SLC24A2: variants seen among roughly 807,000 people sequenced by gnomAD.
SLC24A2 encodes solute carrier family 24 member 2.
SLC24A2 carries 36 observed loss-of-function variants against 62.0 expected under a neutral mutation model. That is an observed-to-expected ratio of 0.58 (90% CI 0.44 to 0.77). The LOEUF is 0.77. SLC24A2 is among the 30% of genes least tolerant of loss of function. SLC24A2 has a pLI of 0.00. For missense variants in SLC24A2, 846 were observed against 817.9 expected, an observed-to-expected ratio of 1.03 and a Z score of -0.42; for synonymous variants, 358 against 294.0, an observed-to-expected ratio of 1.22 and a Z score of -2.23.
In SLC24A2 at chr9:19,533,493, G is replaced by A. The variant is rs143032306; in HGVS notation, c.1480-5355C>T. ...AAAAGAATGTATTGGAAGTGACAGC[G>A]TGCAAATTTCAAACTAGATCTCAAG... On this transcript the variant is annotated intron_variant, in intron 8 of 10. Coordinates refer to ENST00000341998, the MANE Select transcript of SLC24A2 (RefSeq NM_020344.4). Among the ~76,000 whole-genome samples, 536 of 152,314 alleles carry A rather than the reference G, an allele frequency of 3.5e-3. 3 individuals are homozygous for A. The highest frequency in any genetic ancestry group is 0.012 in the African/African-American group (495 of 41,556).
chr9:19,969,964 A>T, the SLC24A2 span, among the ~76,000 whole-genome samples: 1 of 152,114 alleles, frequency 6.6e-6, no homozygotes, highest in Non-Finnish European at 1.5e-5. Context: ...AGAGTGGGAG[A>T]GACTACAGGA....
At chr9:19,952,727 T>C in the SLC24A2 span, among the ~76,000 whole-genome samples, 2 of 151,412 alleles carry the variant, frequency 1.3e-5, no homozygotes, top group African/African-American at 4.8e-5. Context: ...TTTCTTTGTC[T>C]ATATTCAGTA....
chr9:19,624,709 AT>A (rs1817991178), intron 2 of SLC24A2, among the ~76,000 whole-genome samples: 1 of 152,186 alleles, frequency 6.6e-6, no homozygotes, highest in Non-Finnish European at 1.5e-5. Flanking sequence ...TAATATGTAA[AT>A]TTAGGTATAC....
chr9:19,686,022 A>G lies in SLC24A2; in HGVS notation c.931-63723T>C, dbSNP rs138559513. Among the ~76,000 whole-genome samples, 976 of 152,262 alleles carry G rather than the reference A, an allele frequency of 6.4e-3. 14 individuals are homozygous for G. Among genetic ancestry groups the G allele is most frequent in the African/African-American group, 0.022 (931 of 41,564 alleles). On this transcript the variant is annotated intron_variant, in intron 2 of 10. Coordinates refer to ENST00000341998, the MANE Select transcript of SLC24A2 (RefSeq NM_020344.4). ...AAAAATATTCACAAACTAAGCATTCAACAAAGGTATAATATCCAGAATCTA... is the reference window on the plus strand; with the variant it reads ...AAAAATATTCACAAACTAAGCATTCGACAAAGGTATAATATCCAGAATCTA...
chr9:20,190,306 G>C, the SLC24A2 span, among the ~76,000 whole-genome samples: 3 of 152,130 alleles, frequency 2.0e-5, no homozygotes, highest in Admixed American at 6.5e-5. Context: ...GGCTTGTCAA[G>C]ACAATCCTTT....
the SLC24A2 span, among the ~76,000 whole-genome samples, chr9:19,900,817 CT>C: frequency 6.6e-6 from 1 of 152,164 alleles, no homozygotes; most frequent in Non-Finnish European, 1.5e-5. Flanking sequence ...CCCAGTTCCA[CT>C]GACAATTTTG....
At chr9:19,794,757 A>T in the SLC24A2 span, among the ~76,000 whole-genome samples, 1 of 152,216 alleles carries the variant, frequency 6.6e-6, no homozygotes, top group Non-Finnish European at 1.5e-5. Flanking sequence ...TCTCAGAGGC[A>T]CACCAGTAAG....
the SLC24A2 span, among the ~76,000 whole-genome samples, chr9:19,838,584 A>C: frequency 6.6e-6 from 1 of 151,622 alleles, no homozygotes; most frequent in Non-Finnish European, 1.5e-5. Context: ...AGTTGCAGTG[A>C]GTCGAGACGG....
At chr9:19,903,038 G>GT in the SLC24A2 span, among the ~76,000 whole-genome samples, 1 of 123,670 alleles carries the variant, frequency 8.1e-6, no homozygotes, top group African/African-American at 3.1e-5. Context: ...TAAAAATCAG[G>GT]CTTTTTTTTT....
the SLC24A2 span, among the ~76,000 whole-genome samples, chr9:19,796,151 T>G: frequency 4.6e-4 from 65 of 142,806 alleles, no homozygotes; most frequent in African/African-American, 5.2e-4. Context: ...GGGATAGCAT[T>G]AGGAGATATA....
At chr9:19,712,146 C>T (rs1183294815) in intron 2 of SLC24A2, among the ~76,000 whole-genome samples, 1 of 152,180 alleles carries the variant, frequency 6.6e-6, no homozygotes, top group Admixed American at 6.5e-5. Flanking sequence ...AAAACGGCTC[C>T]AGAGACTGAG....
At chr9:19,646,011 T>C (rs1403592757) in intron 2 of SLC24A2, among the ~76,000 whole-genome samples, 2 of 152,194 alleles carry the variant, frequency 1.3e-5, no homozygotes, top group Non-Finnish European at 2.9e-5. Context: ...TCTCCACTGA[T>C]AGCTTTGTGA....
chr9:20,292,624 G>A, the SLC24A2 span, among the ~76,000 whole-genome samples: 2 of 152,110 alleles, frequency 1.3e-5, no homozygotes, highest in Non-Finnish European at 2.9e-5. Flanking sequence ...TTTTGTTTTT[G>A]GGATAGTATC....
chr9:19,938,901 A>ACAAC, the SLC24A2 span, among the ~76,000 whole-genome samples: 1 of 152,038 alleles, frequency 6.6e-6, no homozygotes, highest in Non-Finnish European at 1.5e-5. Flanking sequence ...ACAAAACAAA[A>ACAAC]CAAACAAACA....
At chr9:19,592,750 A>C (rs912001936) in intron 5 of SLC24A2, among the ~76,000 whole-genome samples, 2 of 152,180 alleles carry the variant, frequency 1.3e-5, no homozygotes, top group African/African-American at 4.8e-5. Context: ...TTTATTGAGA[A>C]TTTTCTAGAG....
intron 10 of SLC24A2, among the ~76,000 whole-genome samples, 195 bp downstream of exon 10, chr9:19,520,699 A>C (rs1302515245): frequency 1.3e-5 from 2 of 151,798 alleles, no homozygotes; most frequent in Non-Finnish European, 2.9e-5. Context: ...GGGATGACTT[A>C]TTTTTCATTA....
At chr9:19,613,467 A>T (rs1341214747) in intron 4 of SLC24A2, among the ~76,000 whole-genome samples, 1 of 152,172 alleles carries the variant, frequency 6.6e-6, no homozygotes, top group Non-Finnish European at 1.5e-5. Flanking sequence ...AGAGAGGAAG[A>T]TATCACCATT....
chr9:20,070,449 T>C, the SLC24A2 span, among the ~76,000 whole-genome samples: 67 of 152,338 alleles, frequency 4.4e-4, no homozygotes, highest in African/African-American at 1.5e-3. Flanking sequence ...GTTGTTTTGA[T>C]TATATTTTCA....
the SLC24A2 span, among the ~76,000 whole-genome samples, chr9:19,834,438 C>T: frequency 2.1e-3 from 323 of 152,246 alleles, 11 homozygotes; most frequent in East Asian, 0.059. Flanking sequence ...GCACAAGCCT[C>T]AGTAACCGAT....
Sources: gnomAD v4.1 joint callset for allele counts (sites outside exome capture counted in the v4.1 genomes callset) on GRCh38, gnomAD v4.1.1 for gene constraint, MANE v1.5 for transcripts, NCBI Gene and HGNC (gene_info 2026-07-23, HGNC 2026-07-21) for gene names.